The following PCDHGA9 variants were observed in gnomAD, a reference collection of about 807,000 sequenced individuals.
The protein encoded by PCDHGA9 is protocadherin gamma-A9.
Under a neutral mutation model 62.5 loss-of-function variants are expected in PCDHGA9, and 37 were observed. The ratio of observed to expected loss-of-function variants is 0.59; its 90% CI spans 0.46 to 0.78. PCDHGA9 has a LOEUF of 0.78. Ranked by LOEUF, PCDHGA9 falls within the 30% of genes least tolerant of loss-of-function variation. PCDHGA9 has a pLI of 0.00. For missense variants in PCDHGA9, 1,138 were observed against 1,166.2 expected (o/e 0.98, Z 0.35); for synonymous variants, 459 against 484.6 (o/e 0.95, Z 0.69).
rs147783721 is a variant in PCDHGA9 at position 141,404,989 on chromosome 5, G to T, written c.2037G>T (p.Gln679His). ...PDILADLGSL[Q>H]IPADLEASDL... ...TCCTGGCTGACCTGGGCAGTCTTCAGATCCCTGCAGACCTGGAGGCCTCAG... is the reference window on the plus strand; with the variant it reads ...TCCTGGCTGACCTGGGCAGTCTTCATATCCCTGCAGACCTGGAGGCCTCAG... The change falls in exon 1 of 4, where the codon CAG becomes CAT. Residue 679 changes from glutamine (Q) to histidine (H), a missense_variant. Gln to His is a conservative substitution (Grantham distance 24). Transcript: ENST00000573521. 1.6e-5 allele frequency: 26 copies of T among 1,614,046 alleles called. No individual in the cohort carries two copies. In the Admixed American group the frequency reaches 4.0e-4, roughly 25 times the overall value.
In PCDHGA9 at chr5:141,485,275, G is replaced by C. The variant is rs77402299; in HGVS notation, c.2425-9532G>C. ...ACGTTTGTGGGCAGATCCGCTACCC[G>C]GTCCCAGAGGAGTCACAGGAAGGGA... On this transcript the variant is annotated intron_variant, in intron 1 of 3. Transcript: ENST00000573521. The surrounding 1 kb of genome is among the most constrained non-coding windows in gnomAD (Gnocchi z 5.7). The C allele has an allele frequency of 2.5e-6, 4 of 1,614,072 alleles. No individual in the cohort carries two copies. Among genetic ancestry groups the C allele is most frequent in the Admixed American group, 1.7e-5 (1 of 60,024 alleles).
Position 141,486,151 on chromosome 5 carries a change from T to C in PCDHGA9, c.2425-8656T>C, listed in dbSNP as rs570065848. The C allele has an allele frequency of 2.7e-5, 44 of 1,613,914 alleles. No individual in the cohort carries two copies. In the South Asian group the frequency reaches 4.3e-4, roughly 16 times the overall value. ...TTGATGTGCGGGCTCGCGATGGGGGTTCTCCAGCCATGGAGCAACATTGCA... is the reference window on the plus strand; with the variant it reads ...TTGATGTGCGGGCTCGCGATGGGGGCTCTCCAGCCATGGAGCAACATTGCA... On this transcript the variant is annotated intron_variant, in intron 1 of 3. Transcript: ENST00000573521. The surrounding 1 kb of genome is among the most constrained non-coding windows in gnomAD (Gnocchi z 5.0).
At chr5:141,464,861 C>G (rs1178430383) in intron 1 of PCDHGA9, among the ~76,000 whole-genome samples, 1 of 152,134 alleles carries the variant, frequency 6.6e-6, no homozygotes, top group Non-Finnish European at 1.5e-5. Flanking sequence ...ACCTTAGCCT[C>G]CCAAGTAGCT....
chr5:141,489,084 C>G lies in PCDHGA9; in HGVS notation c.2425-5723C>G. ...CTCCCCCCTGCCCACCCCCGCCACT[C>G]GGTGACTAAGAACTGCTGCAAGCAG... On this transcript the variant is annotated intron_variant, in intron 1 of 3. Transcript: ENST00000573521. This position sits in a 1 kb window ranked among gnomAD's most constrained non-coding sequence, Gnocchi z 4.5. 6.1e-6 allele frequency: 2 copies of G among 329,126 alleles called. No homozygotes were observed. The highest frequency in any genetic ancestry group is 2.5e-5 in the African/African-American group (1 of 40,384). 20.4% of individuals were successfully genotyped at this position (329,126 alleles called of 1,614,324 possible). A position where few individuals can be genotyped will look rare whatever the true frequency, so the allele number is the denominator to read the frequency against.
At chr5:141,464,264 A>G (rs1357786078) in intron 1 of PCDHGA9, among the ~76,000 whole-genome samples, 2 of 130,598 alleles carry the variant, frequency 1.5e-5, no homozygotes, top group East Asian at 4.2e-4. Flanking sequence ...GACTCCGTCT[A>G]AAAAAAAAAA....
intron 3 of PCDHGA9, among the ~76,000 whole-genome samples, chr5:141,505,981 A>G (rs1285802357): frequency 6.6e-6 from 1 of 151,898 alleles, no homozygotes; most frequent in Non-Finnish European, 1.5e-5. Context: ...CCGAGAGAAC[A>G]CCTCCTCTTT....
Position 141,403,909 on chromosome 5 carries a change from A to G in PCDHGA9, c.957A>G (p.Ile319Met), listed in dbSNP as rs2094466419. 6.2e-7 allele frequency: 1 copy of G among 1,613,946 alleles called. No individual in the cohort carries two copies. The highest frequency in any genetic ancestry group is 2.2e-5 in the East Asian group (1 of 44,860). The change falls in exon 1 of 4, where the codon ATA becomes ATG. Residue 319 changes from isoleucine (I) to methionine (M), a missense_variant. Coordinates refer to ENST00000573521, the MANE Select transcript of PCDHGA9 (RefSeq NM_018921.3). ...YEECSFYEME[I>M]QAEDGGGLKG... Reference sequence around the variant, plus strand: ...AATGTTCATTTTATGAAATGGAAATACAAGCTGAAGATGGTGGGGGATTGA... The same window carrying G: ...AATGTTCATTTTATGAAATGGAAATGCAAGCTGAAGATGGTGGGGGATTGA...
chr5:141,415,739 GGTTTTTT>G lies in PCDHGA9; in HGVS notation c.2424+10364_2424+10370del. 7.6e-5 allele frequency: 33 copies of G among 434,894 alleles called. No homozygotes were observed. In the African/African-American group the frequency reaches 8.5e-4, roughly 11 times the overall value. The allele number at this position is 434,894 out of a possible 1,614,324, so 26.9% of individuals were successfully genotyped here. A position where few individuals can be genotyped will look rare whatever the true frequency, so the allele number is the denominator to read the frequency against. On this transcript the variant is annotated intron_variant, in intron 1 of 3. Transcript: ENST00000573521. ...ATGAGTAGAATTTGATGTTTATTAA[GGTTTTTT>G]TTTTTTTTTTTTTTTTTTTTTTTTT...
At chr5:141,406,859 TC>T (rs1171504234) in intron 1 of PCDHGA9, among the ~76,000 whole-genome samples, 1 of 152,252 alleles carries the variant, frequency 6.6e-6, no homozygotes, top group African/African-American at 2.4e-5. Flanking sequence ...AAGAAAATAT[TC>T]TCAGGAACTG....
At position 141,489,748 on chromosome 5, in the gene PCDHGA9, T is replaced by C. The variant is rs763688648; in HGVS notation, c.2425-5059T>C. On this transcript the variant is annotated intron_variant, in intron 1 of 3. Transcript: ENST00000573521. The surrounding 1 kb of genome is among the most constrained non-coding windows in gnomAD (Gnocchi z 4.5). ...TGTGGGCACCAATACTGTGAGCTTT[T>C]ACACTCTAAGCCCCAACAGCCACTT... is the stretch of plus-strand genomic sequence containing the variant. The C allele has an allele frequency of 1.8e-5, 29 of 1,614,038 alleles. No homozygotes were observed. Among genetic ancestry groups the C allele is most frequent in the Non-Finnish European group, 1.6e-5 (19 of 1,180,010 alleles).
chr5:141,497,736 G>A (rs1437670417), intron 2 of PCDHGA9, among the ~76,000 whole-genome samples: 6 of 151,962 alleles, frequency 3.9e-5, no homozygotes, highest in Admixed American at 1.3e-4. Flanking sequence ...GATGGGTTTC[G>A]CCACGTTGGC....
rs1226194073 is a variant in PCDHGA9, at chr5:141,490,496, A to G, written c.2425-4311A>G. The G allele has an allele frequency of 6.2e-7, 1 of 1,614,096 alleles. No individual in the cohort carries two copies. Among genetic ancestry groups the G allele is most frequent in the East Asian group, 2.2e-5 (1 of 44,894 alleles). On this transcript the variant is annotated intron_variant, in intron 1 of 3. Coordinates refer to ENST00000573521, the MANE Select transcript of PCDHGA9 (RefSeq NM_018921.3). The surrounding 1 kb of genome is among the most constrained non-coding windows in gnomAD (Gnocchi z 5.4). ...CCTTTGGACCGGGAGGCCACATCCCACTATATCATCGAGCTGCTGGCCAGC... is the reference window on the plus strand; with the variant it reads ...CCTTTGGACCGGGAGGCCACATCCCGCTATATCATCGAGCTGCTGGCCAGC...
intron 1 of PCDHGA9, chr5:141,417,647 C>T: frequency 2.5e-6 from 2 of 812,384 alleles, no homozygotes; most frequent in Non-Finnish European, 3.7e-6. Context: ...ATCCCTCAGC[C>T]TCTAGCCTGG....
At chr5:141,429,388 A>T (rs6890453) in intron 1 of PCDHGA9, among the ~76,000 whole-genome samples, 24,714 of 140,916 alleles carry the variant, frequency 0.18, 2,276 homozygotes, top group African/African-American at 0.28. Flanking sequence ...TTTTTTTTTT[A>T]AAAAAAATTG....
At chr5:141,413,229 C>A in intron 1 of PCDHGA9, 1 of 1,613,914 alleles carries the variant, frequency 6.2e-7, no homozygotes, top group South Asian at 1.1e-5. Context: ...GCGGGCTGGT[C>A]CTGCTCTGCC....
chr5:141,419,240 G>T, intron 1 of PCDHGA9: 1 of 1,613,980 alleles, frequency 6.2e-7, no homozygotes. Flanking sequence ...CCTGGTCCAC[G>T]TGCCAGAAAA....
intron 1 of PCDHGA9, chr5:141,423,372 C>G: frequency 6.2e-7 from 1 of 1,614,178 alleles, no homozygotes; most frequent in Non-Finnish European, 8.5e-7. Context: ...TGCTGGCACT[C>G]AGGCTGTGGC....
At chr5:141,450,241 C>T (rs1236675009) in intron 1 of PCDHGA9, among the ~76,000 whole-genome samples, 1 of 152,094 alleles carries the variant, frequency 6.6e-6, no homozygotes, top group East Asian at 1.9e-4. Flanking sequence ...TAGTCTTGAA[C>T]TCCTGACCTC....
At chr5:141,409,520 T>TTG (rs767613304) in intron 1 of PCDHGA9, 2 of 1,613,966 alleles carry the variant, frequency 1.2e-6, no homozygotes, top group East Asian at 4.5e-5. Flanking sequence ...AAGCATCACC[T>TTG]TGTATGTCGC....
Sources: gnomAD v4.1 joint callset for allele counts (sites outside exome capture counted in the v4.1 genomes callset) on GRCh38, gnomAD v4.1.1 for gene constraint, Gnocchi (gnomAD v3.1) non-coding constraint, MANE v1.5 for transcripts, NCBI Gene and HGNC (gene_info 2026-07-23, HGNC 2026-07-21) for gene names.